STXBP4: variants seen among roughly 807,000 people sequenced by gnomAD.
The protein encoded by STXBP4 is syntaxin-binding protein 4.
A neutral mutation model predicts 76.1 loss-of-function variants in STXBP4; 55 were observed. The ratio of observed to expected loss-of-function variants is 0.72; its 90% CI spans 0.58 to 0.91. The LOEUF (loss-of-function observed/expected upper bound fraction) is 0.91, where lower values mean the gene tolerates loss of function less well. STXBP4 is among the 40% of genes least tolerant of loss of function. The pLI is 0.00. For missense variants in STXBP4, 618 were observed against 636.9 expected (o/e 0.97, Z 0.32); for synonymous variants, 201 against 220.2 (o/e 0.91, Z 0.77).
intron 13 of STXBP4, among the ~76,000 whole-genome samples, chr17:55,074,316 T>A (rs2079155734): frequency 6.6e-6 from 1 of 152,184 alleles, no homozygotes; most frequent in Admixed American, 6.5e-5. Context: ...ACAAGAAGGC[T>A]GAAGTTCCCA....
chr17:55,120,759 T>C (rs1026528164), intron 16 of STXBP4, among the ~76,000 whole-genome samples: 1 of 152,162 alleles, frequency 6.6e-6, no homozygotes, highest in African/African-American at 2.4e-5. Context: ...CAGCCCTTGC[T>C]GTGTTCACTC....
intron 8 of STXBP4, among the ~76,000 whole-genome samples, chr17:55,024,633 G>C (rs2078379787): frequency 6.6e-6 from 1 of 152,138 alleles, no homozygotes; most frequent in South Asian, 2.1e-4. Flanking sequence ...GGTGTAACTA[G>C]ACCATCCTGA....
chr17:55,051,900 A>G (rs369585318), intron 12 of STXBP4, among the ~76,000 whole-genome samples: 4 of 152,172 alleles, frequency 2.6e-5, no homozygotes, highest in African/African-American at 7.2e-5. Context: ...GTGTATATAT[A>G]CAGATGTTCC....
At chr17:54,982,896 T>C (rs974771672) in intron 1 of STXBP4, among the ~76,000 whole-genome samples, 1 of 152,140 alleles carries the variant, frequency 6.6e-6, no homozygotes, top group African/African-American at 2.4e-5. Context: ...AATCAAACTT[T>C]TTACCTGAAT....
At chr17:54,987,280 G>GT (rs1266424144) in intron 3 of STXBP4, among the ~76,000 whole-genome samples, 1 of 152,074 alleles carries the variant, frequency 6.6e-6, no homozygotes, top group Non-Finnish European at 1.5e-5. Context: ...ATAAAAAGTT[G>GT]TTTTTATTCT....
downstream of STXBP4, among the ~76,000 whole-genome samples, chr17:55,176,875 T>C (rs938471420): frequency 6.6e-6 from 1 of 152,092 alleles, no homozygotes; most frequent in Admixed American, 6.5e-5. Context: ...TCAGACATAA[T>C]ATTTCCTGGT....
At chr17:55,035,307 C>A (rs2078579342) in intron 10 of STXBP4, among the ~76,000 whole-genome samples, 1 of 151,662 alleles carries the variant, frequency 6.6e-6, no homozygotes, top group Non-Finnish European at 1.5e-5. Flanking sequence ...TGTTATTATA[C>A]AATTCTTTTA....
chr17:55,176,105 T>C (rs1020490625), downstream of STXBP4, among the ~76,000 whole-genome samples: 2 of 152,160 alleles, frequency 1.3e-5, no homozygotes. Flanking sequence ...TGATGGGTAA[T>C]TATCGCCCAC....
chr17:55,060,715 C>A (rs1326165112), intron 12 of STXBP4, among the ~76,000 whole-genome samples: 1 of 152,106 alleles, frequency 6.6e-6, no homozygotes, highest in African/African-American at 2.4e-5. Flanking sequence ...TACAGAATAA[C>A]CGAGCTTAAG....
At position 55,054,947 on chromosome 17, in the gene STXBP4, G is replaced by C. The variant is rs540656081; in HGVS notation, c.1011+7793G>C. On this transcript the variant is annotated intron_variant, in intron 12 of 17. Coordinates refer to ENST00000376352, the MANE Select transcript of STXBP4 (RefSeq NM_178509.6). The stretch of plus-strand genomic sequence containing the variant: ...ACAGCATGAAAATCATGGCATAAAA[G>C]GGGAAATTTGCTTGTGTTTGTGGTC... Among the ~76,000 whole-genome samples the C allele has an allele frequency of 1.6e-3, 250 of 152,172 alleles. 1 individual carries two copies. The highest frequency in any genetic ancestry group is 5.8e-3 in the African/African-American group (239 of 41,522).
At chr17:55,205,100 C>CT in the STXBP4 span, among the ~76,000 whole-genome samples, 1 of 152,042 alleles carries the variant, frequency 6.6e-6, no homozygotes, top group Non-Finnish European at 1.5e-5. Context: ...AAATCTTAAA[C>CT]TTTATCTGGA....
intron 16 of STXBP4, among the ~76,000 whole-genome samples, chr17:55,124,473 CTGTT>C (rs2079883456): frequency 6.6e-6 from 1 of 152,190 alleles, no homozygotes; most frequent in African/African-American, 2.4e-5. Context: ...TTTAGAAACA[CTGTT>C]TGCCTTCCAG....
At chr17:55,004,799 G>A (rs1013930238) in intron 7 of STXBP4, among the ~76,000 whole-genome samples, 2 of 151,904 alleles carry the variant, frequency 1.3e-5, no homozygotes, top group Non-Finnish European at 2.9e-5. Flanking sequence ...AAGAAGTGGG[G>A]AGAAGGAGAA....
At chr17:55,211,668 TATCCTC>T in the STXBP4 span, among the ~76,000 whole-genome samples, 4 of 152,254 alleles carry the variant, frequency 2.6e-5, no homozygotes, top group African/African-American at 9.6e-5. Flanking sequence ...TTCTTAACTA[TATCCTC>T]ATGTTTGTCC....
At chr17:54,995,303 T>G (rs912250814) in intron 4 of STXBP4, among the ~76,000 whole-genome samples, 1 of 152,228 alleles carries the variant, frequency 6.6e-6, no homozygotes, top group Non-Finnish European at 1.5e-5. Context: ...GTGTCAGATT[T>G]CCGACAACAC....
the STXBP4 span, among the ~76,000 whole-genome samples, chr17:55,189,869 C>T: frequency 0.85 from 129,985 of 152,206 alleles, 56,113 homozygotes; most frequent in African/African-American, 0.96. Context: ...CCTTGCCCCA[C>T]AGTACCTCTT....
At chr17:54,986,706 A>G (rs1014081166) in intron 3 of STXBP4, among the ~76,000 whole-genome samples, 60 of 152,306 alleles carry the variant, frequency 3.9e-4, no homozygotes, top group Middle Eastern at 3.4e-3. Context: ...TTAAATTTTG[A>G]TTTTTAATAT....
chr17:54,997,665 C>T (rs1048931153), intron 4 of STXBP4, among the ~76,000 whole-genome samples: 23 of 147,226 alleles, frequency 1.6e-4, no homozygotes, highest in Admixed American at 1.0e-3. Flanking sequence ...AGAGCAGTGG[C>T]GTAGTCATGA....
chr17:55,192,068 A>G, the STXBP4 span, among the ~76,000 whole-genome samples: 1 of 152,232 alleles, frequency 6.6e-6, no homozygotes, highest in Non-Finnish European at 1.5e-5. Flanking sequence ...ATTGTGCTAT[A>G]TAAGTTTGTG....
Sources: allele counts gnomAD v4.1 joint callset (sites outside exome capture counted in the v4.1 genomes callset), GRCh38; gene constraint gnomAD v4.1.1; transcripts MANE v1.5; gene names NCBI Gene and HGNC (gene_info 2026-07-23, HGNC 2026-07-21).